CTNNBIP1: variants seen among roughly 807,000 people sequenced by gnomAD.
CTNNBIP1 encodes beta-catenin-interacting protein 1.
CTNNBIP1 carries 7 observed loss-of-function variants against 11.8 expected under a neutral mutation model. The observed-to-expected ratio is 0.60, with a 90% confidence interval of 0.34 to 1.12. The LOEUF is 1.12. Among genes scored for constraint, CTNNBIP1 ranks in the 50% most tolerant of loss-of-function variants. CTNNBIP1 has a pLI of 0.03. For missense variants in CTNNBIP1, 101 were observed against 113.4 expected (o/e 0.89, Z 0.50); for synonymous variants, 58 against 43.9 (o/e 1.32, Z -1.26).
At position 9,849,555 on chromosome 1, in the gene CTNNBIP1, T is replaced by C. The variant is rs1638330723; in HGVS notation, c.*1163A>G. 1 of 152,200 alleles carries C rather than the reference T, an allele frequency of 6.6e-6. No homozygotes were observed. The highest frequency in any genetic ancestry group is 1.5e-5 in the Non-Finnish European group (1 of 68,058). 9.4% of individuals were successfully genotyped at this position (152,200 alleles called of 1,614,324 possible). On this transcript the variant is annotated 3_prime_UTR_variant, in exon 6 of 6. Transcript: ENST00000377263. ...GCCTTGTGAGCCAAGCTGGGGCTTT[T>C]ATGTGGGTTCTGGGCTCCCAGAGAC...
At chr1:9,859,626 C>T (rs565739033) in intron 5 of CTNNBIP1, among the ~76,000 whole-genome samples, 1 of 152,314 alleles carries the variant, frequency 6.6e-6, no homozygotes, top group African/African-American at 2.4e-5. Context: ...CTGGGCAGCT[C>T]GATGCATTTC....
At chr1:9,901,904 G>A (rs531157133) in intron 1 of CTNNBIP1, among the ~76,000 whole-genome samples, 2 of 152,294 alleles carry the variant, frequency 1.3e-5, no homozygotes, top group South Asian at 2.1e-4. Context: ...GATATGCCTC[G>A]CTGTCCTGGC....
intron 1 of CTNNBIP1, among the ~76,000 whole-genome samples, chr1:9,885,030 A>G (rs552086653): frequency 2.6e-4 from 40 of 152,232 alleles, no homozygotes; most frequent in Middle Eastern, 6.8e-3. Flanking sequence ...GTCCAGCAGG[A>G]CCACCTGACT....
chr1:9,856,927 A>T (rs1049585897), intron 5 of CTNNBIP1, among the ~76,000 whole-genome samples: 3 of 150,744 alleles, frequency 2.0e-5, no homozygotes, highest in African/African-American at 7.3e-5. Flanking sequence ...GTTCGAGACC[A>T]GTCTGGCCAA....
chr1:9,851,905 C>A lies in CTNNBIP1; in HGVS notation c.188-1129G>T, dbSNP rs911376827. Among the ~76,000 whole-genome samples the A allele has an allele frequency of 6.6e-6, 1 of 152,202 alleles. No homozygotes were observed. The highest frequency in any genetic ancestry group is 1.5e-5 in the Non-Finnish European group (1 of 68,036). ...CCAGGAGGTGACCTGTAGGGCCCCA[C>A]CTTGACTCCCTGACCCTGTCCTGCT... On this transcript the variant is annotated intron_variant, in intron 5 of 5. Transcript: ENST00000377263. This position sits in a 1 kb window ranked among gnomAD's most constrained non-coding sequence, Gnocchi z 4.8.
intron 5 of CTNNBIP1, among the ~76,000 whole-genome samples, chr1:9,861,951 T>A (rs1425294168): frequency 6.6e-6 from 1 of 152,166 alleles, no homozygotes; most frequent in Non-Finnish European, 1.5e-5. Flanking sequence ...ATAAACGACA[T>A]CCCACAGGGT....
At chr1:9,861,286 T>C (rs1638620646) in intron 5 of CTNNBIP1, among the ~76,000 whole-genome samples, 1 of 152,152 alleles carries the variant, frequency 6.6e-6, no homozygotes, top group Non-Finnish European at 1.5e-5. Context: ...CAGACGCTCC[T>C]CCAAAGGGAA....
At chr1:9,881,542 T>A (rs887647222) in intron 2 of CTNNBIP1, among the ~76,000 whole-genome samples, 4 of 151,990 alleles carry the variant, frequency 2.6e-5, no homozygotes, top group African/African-American at 9.7e-5. Context: ...TTTCACCATG[T>A]TGGCCAGGCT....
chr1:9,903,441 G>T (rs1312140746), intron 1 of CTNNBIP1, among the ~76,000 whole-genome samples: 1 of 152,216 alleles, frequency 6.6e-6, no homozygotes, highest in East Asian at 1.9e-4. Context: ...TTCAAAAGGG[G>T]AGAACAATGT....
chr1:9,897,251 G>T (rs1459693209), intron 1 of CTNNBIP1, among the ~76,000 whole-genome samples: 1 of 151,518 alleles, frequency 6.6e-6, no homozygotes, highest in Non-Finnish European at 1.5e-5. Context: ...TCAGGAGATC[G>T]AGACCATCCT....
intron 5 of CTNNBIP1, among the ~76,000 whole-genome samples, chr1:9,853,737 T>A (rs368629872): frequency 6.6e-6 from 1 of 152,204 alleles, no homozygotes; most frequent in African/African-American, 2.4e-5. Context: ...TCCCACCAGA[T>A]GCAAGTGAGC....
chr1:9,872,153 C>T lies in CTNNBIP1; in HGVS notation c.-24-65G>A, dbSNP rs1271014787. The T allele has an allele frequency of 2.1e-6, 2 of 971,452 alleles. No individual in the cohort carries two copies. The highest frequency in any genetic ancestry group is 3.3e-6 in the Non-Finnish European group (2 of 613,764). 60.2% of individuals were successfully genotyped at this position (971,452 alleles called of 1,614,324 possible). A position where few individuals can be genotyped will look rare whatever the true frequency, so the allele number is the denominator to read the frequency against. ...GATGTGACATACTGGGACAATGACACCTGCTAGTGACCCTCACTCCTCCCA... is the reference window on the plus strand; with the variant it reads ...GATGTGACATACTGGGACAATGACATCTGCTAGTGACCCTCACTCCTCCCA... On this transcript the variant is annotated intron_variant, in intron 3 of 5. Coordinates refer to ENST00000377263, the MANE Select transcript of CTNNBIP1 (RefSeq NM_020248.3). This position sits in a 1 kb window ranked among gnomAD's most constrained non-coding sequence, Gnocchi z 4.0.
In CTNNBIP1 at chr1:9,871,325, T is replaced by G; in HGVS notation, c.97-48A>C. On this transcript the variant is annotated intron_variant, in intron 4 of 5. Coordinates refer to ENST00000377263, the MANE Select transcript of CTNNBIP1 (RefSeq NM_020248.3). This position sits in a 1 kb window ranked among gnomAD's most constrained non-coding sequence, Gnocchi z 5.2. ...TGAGGGGCAGCATGCACCTGTTCCC[T>G]GAAAGGCACCTGCACCCCTAGAGGC... The G allele has an allele frequency of 7.1e-7, 1 of 1,408,256 alleles. No individual in the cohort carries two copies. 87.2% of individuals were successfully genotyped at this position (1,408,256 alleles called of 1,614,324 possible). A position where few individuals can be genotyped will look rare whatever the true frequency, so the allele number is the denominator to read the frequency against.
intron 5 of CTNNBIP1, among the ~76,000 whole-genome samples, chr1:9,860,967 C>T (rs923224684): frequency 6.6e-6 from 1 of 152,228 alleles, no homozygotes; most frequent in African/African-American, 2.4e-5. Flanking sequence ...AGGGAGCTAA[C>T]TTTGGCTAAG....
intron 1 of CTNNBIP1, among the ~76,000 whole-genome samples, chr1:9,885,936 G>GAAAA (rs775586815): frequency 8.2e-6 from 1 of 121,266 alleles, no homozygotes; most frequent in African/African-American, 3.0e-5. Flanking sequence ...CCATCTTGAG[G>GAAAA]AAAAAAAAAA....
At chr1:9,896,744 G>A (rs776790889) in intron 1 of CTNNBIP1, among the ~76,000 whole-genome samples, 3 of 151,698 alleles carry the variant, frequency 2.0e-5, no homozygotes, top group South Asian at 4.2e-4. Flanking sequence ...CAAGGTGGGC[G>A]AATCATGAGG....
intron 2 of CTNNBIP1, among the ~76,000 whole-genome samples, chr1:9,878,965 A>C (rs1224365075): frequency 2.0e-5 from 3 of 152,186 alleles, no homozygotes; most frequent in Non-Finnish European, 4.4e-5. Flanking sequence ...TGGGAGGCCG[A>C]GACAGGTGGA....
chr1:9,873,487 G>A (rs1332325200), intron 3 of CTNNBIP1, among the ~76,000 whole-genome samples: 1 of 152,116 alleles, frequency 6.6e-6, no homozygotes, highest in East Asian at 1.9e-4. Flanking sequence ...CTGTTCTGGG[G>A]TATCACTCCT....
At chr1:9,905,934 T>C (rs892318411) in intron 1 of CTNNBIP1, among the ~76,000 whole-genome samples, 8 of 152,314 alleles carry the variant, frequency 5.3e-5, no homozygotes, top group Non-Finnish European at 1.0e-4. Context: ...GTTTAGGTAC[T>C]ATATTATAAG....
Sources: gnomAD v4.1 joint callset for allele counts (sites outside exome capture counted in the v4.1 genomes callset) on GRCh38, gnomAD v4.1.1 for gene constraint, Gnocchi (gnomAD v3.1) non-coding constraint, MANE v1.5 for transcripts, NCBI Gene and HGNC (gene_info 2026-07-23, HGNC 2026-07-21) for gene names.